LRP1B: variants seen among roughly 807,000 people sequenced by gnomAD.
The protein encoded by LRP1B is LDL receptor related protein 1B.
A neutral mutation model predicts 556.6 loss-of-function variants in LRP1B; 217 were observed. The observed-to-expected ratio is 0.39, with a 90% confidence interval of 0.35 to 0.44. LRP1B has a LOEUF of 0.44. Ranked by LOEUF, LRP1B falls within the 20% of genes least tolerant of loss-of-function variation. LRP1B has a pLI of 1.00. For missense variants in LRP1B, 5,053 were observed against 5,620.8 expected (o/e 0.90, Z 3.23); for synonymous variants, 2,047 against 1,865.8 (o/e 1.10, Z -2.50).
intron 11 of LRP1B, among the ~76,000 whole-genome samples, chr2:141,046,357 T>G (rs1392035471): frequency 6.6e-6 from 1 of 152,132 alleles, no homozygotes; most frequent in Non-Finnish European, 1.5e-5. Context: ...TAGAATTTAA[T>G]TTTTCTGATG....
intron 2 of LRP1B, among the ~76,000 whole-genome samples, chr2:141,555,494 G>A (rs935984178): frequency 6.6e-6 from 1 of 151,860 alleles, no homozygotes; most frequent in Non-Finnish European, 1.5e-5. Context: ...GCACACAGCA[G>A]GCATGCAATC....
chr2:141,499,237 C>G (rs72851325), intron 2 of LRP1B, among the ~76,000 whole-genome samples: 9,164 of 152,000 alleles, frequency 0.06, 343 homozygotes, highest in South Asian at 0.18. Context: ...AAATAGAGAC[C>G]CAGAGATAAC....
At position 141,418,917 on chromosome 2, in the gene LRP1B, G is replaced by T. The variant is rs11676732; in HGVS notation, c.343+61479C>A. Among the ~76,000 whole-genome samples the T allele has an allele frequency of 8.0e-3, 1,221 of 151,844 alleles. 9 individuals are homozygous for T. Among genetic ancestry groups the T allele is most frequent in the Non-Finnish European group, 0.013 (850 of 67,870 alleles). On this transcript the variant is annotated intron_variant, in intron 3 of 90. Coordinates refer to ENST00000389484, the MANE Select transcript of LRP1B (RefSeq NM_018557.3). ...TTAATTTTTTGCAGCAATGTTTTCTGCTTTGCCTCATTGATTAAGTTTATT... is the reference window on the plus strand; with the variant it reads ...TTAATTTTTTGCAGCAATGTTTTCTTCTTTGCCTCATTGATTAAGTTTATT...
chr2:141,980,204 A>T (rs892328055), intron 1 of LRP1B, among the ~76,000 whole-genome samples: 3 of 152,054 alleles, frequency 2.0e-5, no homozygotes, highest in African/African-American at 7.2e-5. Context: ...TTACCTTGGA[A>T]ATCAGTAAAC....
At chr2:140,843,003 T>C (rs1282812834) in intron 29 of LRP1B, among the ~76,000 whole-genome samples, 1 of 150,196 alleles carries the variant, frequency 6.7e-6, no homozygotes, top group Non-Finnish European at 1.5e-5. Flanking sequence ...TTTCTTGGTA[T>C]TGGCAAAAAT....
intron 41 of LRP1B, among the ~76,000 whole-genome samples, chr2:140,627,193 G>T (rs1053839072): frequency 2.6e-5 from 4 of 152,106 alleles, no homozygotes; most frequent in African/African-American, 9.7e-5. Flanking sequence ...CAATTGTGAG[G>T]GTTAATAATG....
At chr2:141,502,743 C>G (rs1683766531) in intron 2 of LRP1B, among the ~76,000 whole-genome samples, 1 of 151,776 alleles carries the variant, frequency 6.6e-6, no homozygotes, top group Non-Finnish European at 1.5e-5. Context: ...CCTGTAGTCC[C>G]AGCTACTCAG....
At chr2:140,825,808 A>ACT (rs1229708623) in intron 31 of LRP1B, among the ~76,000 whole-genome samples, 1 of 152,210 alleles carries the variant, frequency 6.6e-6, no homozygotes, top group East Asian at 1.9e-4. Context: ...GCAAGGATAT[A>ACT]CAGCAGTGGA....
chr2:141,717,884 A>T (rs562229806), intron 2 of LRP1B, among the ~76,000 whole-genome samples: 1 of 152,362 alleles, frequency 6.6e-6, no homozygotes, highest in African/African-American at 2.4e-5. Context: ...GAGACAGAGT[A>T]ATTTTAGCCA....
intron 43 of LRP1B, among the ~76,000 whole-genome samples, chr2:140,556,259 A>G (rs1445254852): frequency 6.6e-6 from 1 of 151,772 alleles, no homozygotes; most frequent in African/African-American, 2.4e-5. Flanking sequence ...AGGTCATAGG[A>G]CTCTAATCTG....
In LRP1B at chr2:140,701,719, A is replaced by T. The variant is rs2105425669; in HGVS notation, c.6427+2T>A. Reference sequence around the variant, plus strand: ...ATTATGTATTCTTTCAAGAGTGCTGACCTTTCTCTCTTACTCGGTTAAATA... The same window carrying T: ...ATTATGTATTCTTTCAAGAGTGCTGTCCTTTCTCTCTTACTCGGTTAAATA... On this transcript the variant is annotated splice_donor_variant, in intron 40 of 90. Transcript: ENST00000389484. LOFTEE classifies it high-confidence loss of function. The T allele has an allele frequency of 6.2e-7, 1 of 1,611,474 alleles. No homozygotes were observed. Among genetic ancestry groups the T allele is most frequent in the Non-Finnish European group, 8.5e-7 (1 of 1,178,506 alleles).
chr2:140,911,415 G>A lies in LRP1B; in HGVS notation c.3320-3338C>T, dbSNP rs539978472. The stretch of plus-strand genomic sequence containing the variant: ...TGTGCTGCTTTATTTTTCTTCTACC[G>A]TATACTTCGGTAACTTTTCCAAAAT... On this transcript the variant is annotated intron_variant, in intron 21 of 90. Transcript: ENST00000389484. 3.3e-5 allele frequency among the ~76,000 whole-genome samples: 5 copies of A among 151,640 alleles called. No individual in the cohort carries two copies. The East Asian group carries it at 5.8e-4, about 18-fold the overall frequency.
chr2:140,893,932 A>G (rs1314140035), intron 23 of LRP1B, among the ~76,000 whole-genome samples: 1 of 152,236 alleles, frequency 6.6e-6, no homozygotes, highest in Non-Finnish European at 1.5e-5. Context: ...TGATGATGAA[A>G]CATCAGGGTG....
At chr2:140,277,283 T>C (rs1225647494) in intron 84 of LRP1B, among the ~76,000 whole-genome samples, 2 of 151,858 alleles carry the variant, frequency 1.3e-5, no homozygotes, top group African/African-American at 4.8e-5. Flanking sequence ...AATTAAATCT[T>C]AGATTAAGAT....
At chr2:141,716,793 C>T (rs1692610966) in intron 2 of LRP1B, among the ~76,000 whole-genome samples, 1 of 152,188 alleles carries the variant, frequency 6.6e-6, no homozygotes, top group African/African-American at 2.4e-5. Flanking sequence ...ATGTCTAGCT[C>T]TGCAATTGAT....
At chr2:140,866,236 T>A (rs1692946950) in intron 27 of LRP1B, among the ~76,000 whole-genome samples, 2 of 152,156 alleles carry the variant, frequency 1.3e-5, no homozygotes, top group African/African-American at 4.8e-5. Context: ...GTGCTTGTCA[T>A]CTACAGTGTT....
chr2:141,350,819 C>T (rs999047126), intron 3 of LRP1B, among the ~76,000 whole-genome samples: 1 of 151,932 alleles, frequency 6.6e-6, no homozygotes, highest in Non-Finnish European at 1.5e-5. Context: ...TCAAAACATT[C>T]ATGAGATGAG....
At chr2:141,810,075 G>A (rs1696288511) in intron 2 of LRP1B, among the ~76,000 whole-genome samples, 1 of 138,046 alleles carries the variant, frequency 7.2e-6, no homozygotes, top group Non-Finnish European at 1.5e-5. Flanking sequence ...AAGGTTTCAA[G>A]TTTCTTAGGC....
At chr2:142,045,535 C>T (rs907296262) in intron 1 of LRP1B, among the ~76,000 whole-genome samples, 5 of 151,740 alleles carry the variant, frequency 3.3e-5, no homozygotes, top group Admixed American at 6.6e-5. Flanking sequence ...ATGCAATTGA[C>T]GACCAACTGA....
Sources: gnomAD v4.1 joint callset for allele counts (sites outside exome capture counted in the v4.1 genomes callset) on GRCh38, gnomAD v4.1.1 for gene constraint, MANE v1.5 for transcripts, NCBI Gene and HGNC (gene_info 2026-07-23, HGNC 2026-07-21) for gene names.